ADAM22: variants seen among roughly 807,000 people sequenced by gnomAD.
ADAM22 encodes the protein ADAM metallopeptidase domain 22, also known as disintegrin and metalloproteinase domain-containing protein 22.
Under a neutral mutation model 144.6 loss-of-function variants are expected in ADAM22, and 65 were observed. The observed-to-expected ratio is 0.45, with a 90% CI of 0.37 to 0.55. The LOEUF (loss-of-function observed/expected upper bound fraction) is 0.55. ADAM22 is among the 20% of genes least tolerant of loss of function. The pLI, the probability that ADAM22 is intolerant of heterozygous loss-of-function variation, is 0.00. For missense variants in ADAM22, 974 were observed against 1,184.9 expected, an observed-to-expected ratio of 0.82 and a Z score of 2.61; for synonymous variants, 391 against 412.6, an observed-to-expected ratio of 0.95 and a Z score of 0.63.
chr7:88,136,857 A>G (rs1458295165), intron 14 of ADAM22, among the ~76,000 whole-genome samples: 1 of 152,096 alleles, frequency 6.6e-6, no homozygotes, highest in Non-Finnish European at 1.5e-5. Flanking sequence ...AATAACAGCA[A>G]AAGATGGTAA....
At chr7:88,008,204 C>T (rs1018142428) in intron 3 of ADAM22, among the ~76,000 whole-genome samples, 7 of 151,142 alleles carry the variant, frequency 4.6e-5, no homozygotes, top group African/African-American at 1.7e-4. Context: ...AATGAGATAC[C>T]ATCTCACACC....
chr7:88,148,860 CT>C, intron 17 of ADAM22, 116 bp from the exon 18 acceptor site: 1 of 712,856 alleles, frequency 1.4e-6, no homozygotes, highest in Non-Finnish European at 2.3e-6. Flanking sequence ...AGATTACCAT[CT>C]TACAGTAGTT....
rs148488941 is a variant in ADAM22 at position 88,066,947 on chromosome 7, C to T, written c.324-8679C>T. 1.5e-4 allele frequency among the ~76,000 whole-genome samples: 23 copies of T among 152,034 alleles called. No homozygotes were observed. The East Asian group carries it at 3.9e-3, about 26-fold the overall frequency. On this transcript the variant is annotated intron_variant, in intron 3 of 31. Coordinates refer to ENST00000413139, the MANE Select transcript of ADAM22 (RefSeq NM_001324418.2). Reference sequence around the variant, plus strand: ...CCATGAAAATACAGTTTTGGTGAAGCGGTGTGGTGAAAACCAGATTAGATG... The same window carrying T: ...CCATGAAAATACAGTTTTGGTGAAGTGGTGTGGTGAAAACCAGATTAGATG...
chr7:88,166,074 C>T, intron 24 of ADAM22, 128 bp downstream of exon 24: 2 of 588,468 alleles, frequency 3.4e-6, no homozygotes, highest in Non-Finnish European at 5.7e-6. Flanking sequence ...AATTATACAA[C>T]TGGGGTCCAT....
intron 2 of ADAM22, among the ~76,000 whole-genome samples, chr7:87,946,640 T>G (rs1396112875): frequency 1.3e-5 from 2 of 152,226 alleles, no homozygotes; most frequent in African/African-American, 4.8e-5. Flanking sequence ...TTGCCCACTT[T>G]GTTGAAGATC....
At chr7:88,099,509 G>A (rs1269271151) in intron 4 of ADAM22, among the ~76,000 whole-genome samples, 1 of 152,130 alleles carries the variant, frequency 6.6e-6, no homozygotes, top group Non-Finnish European at 1.5e-5. Context: ...TTTGAAGGGA[G>A]ATTGTCTCCA....
chr7:88,181,910 G>T (rs1343333208), intron 28 of ADAM22, 48 bp from the exon 29 acceptor site: 1 of 1,529,048 alleles, frequency 6.5e-7, no homozygotes, highest in South Asian at 1.1e-5. Context: ...TAGACATAGG[G>T]CAATCACTTA....
chr7:88,055,911 A>T (rs971747120), intron 3 of ADAM22, among the ~76,000 whole-genome samples: 7 of 152,176 alleles, frequency 4.6e-5, no homozygotes, highest in Non-Finnish European at 8.8e-5. Flanking sequence ...TTCAACCCCT[A>T]TCATGACAGA....
intron 5 of ADAM22, among the ~76,000 whole-genome samples, chr7:88,109,730 AGG>A: frequency 6.7e-6 from 1 of 148,358 alleles, no homozygotes; most frequent in Admixed American, 6.7e-5. Flanking sequence ...AGAGAGAGAG[AGG>A]AAAAAAAAAA....
intron 3 of ADAM22, among the ~76,000 whole-genome samples, chr7:88,036,117 A>C (rs1285047437): frequency 1.3e-5 from 2 of 152,332 alleles, no homozygotes; most frequent in East Asian, 3.9e-4. Flanking sequence ...TAAGTATCAC[A>C]GTACTTTTTA....
At position 88,182,611 on chromosome 7, in the gene ADAM22, G is replaced by A. The variant is rs190549149; in HGVS notation, c.2663+587G>A. On this transcript the variant is annotated intron_variant, in intron 29 of 31. Coordinates refer to ENST00000413139, the MANE Select transcript of ADAM22 (RefSeq NM_001324418.2). ...ATTGTCACTAAATGCAACATTATCCGTTTTAAATGATAGCCATGCATTTAC... is the reference window on the plus strand; with the variant it reads ...ATTGTCACTAAATGCAACATTATCCATTTTAAATGATAGCCATGCATTTAC... 4.3e-3 allele frequency among the ~76,000 whole-genome samples: 651 copies of A among 152,092 alleles called. 4 individuals are homozygous for A. The highest frequency in any genetic ancestry group is 6.0e-3 in the Admixed American group (92 of 15,276).
chr7:87,953,851 G>T (rs1299992332), intron 2 of ADAM22, among the ~76,000 whole-genome samples: 3 of 152,148 alleles, frequency 2.0e-5, no homozygotes, highest in African/African-American at 7.2e-5. Context: ...ATATATTTAG[G>T]ATAGTTAGCT....
intron 4 of ADAM22, among the ~76,000 whole-genome samples, chr7:88,100,748 T>C (rs1365088723): frequency 6.6e-6 from 1 of 152,158 alleles, no homozygotes; most frequent in Admixed American, 6.6e-5. Context: ...ACTCCTGGCC[T>C]CAAGTGATCT....
intron 2 of ADAM22, among the ~76,000 whole-genome samples, chr7:87,971,129 C>CA (rs1256179995): frequency 6.6e-6 from 1 of 152,060 alleles, no homozygotes; most frequent in Non-Finnish European, 1.5e-5. Flanking sequence ...GGCCTTAGGA[C>CA]ATGTGCTGTG....
At chr7:87,981,357 A>G (rs775621719) in intron 3 of ADAM22, among the ~76,000 whole-genome samples, 3 of 152,172 alleles carry the variant, frequency 2.0e-5, no homozygotes, top group Non-Finnish European at 4.4e-5. Context: ...AGTGTATTTT[A>G]CAGATTCTCA....
intron 6 of ADAM22, among the ~76,000 whole-genome samples, chr7:88,116,168 A>AT (rs1028144894): frequency 1.9e-3 from 287 of 147,820 alleles, no homozygotes; most frequent in African/African-American, 6.2e-3. Flanking sequence ...TGACATTCTA[A>AT]TTTTTTTTTT....
At chr7:88,135,885 A>G (rs1206318633) in intron 13 of ADAM22, 95 bp from the exon 14 acceptor site, 2 of 1,068,744 alleles carry the variant, frequency 1.9e-6, no homozygotes, top group Non-Finnish European at 1.3e-6. Context: ...AGGCATTTTA[A>G]GGAATAAAGT....
rs964001311 is a variant in ADAM22 at position 87,985,205 on chromosome 7, C to T, written c.323+6793C>T. Among the ~76,000 whole-genome samples, 20 of 151,012 alleles carry T rather than the reference C, an allele frequency of 1.3e-4. No individual in the cohort carries two copies. The South Asian group carries it at 4.0e-3, about 30-fold the overall frequency. Reference sequence around the variant, plus strand: ...GCAGGCGCCTGTAGTCCCGGTTACTCGGGAGGCTGAGGCAAGAGAATGGCG... The same window carrying T: ...GCAGGCGCCTGTAGTCCCGGTTACTTGGGAGGCTGAGGCAAGAGAATGGCG... On this transcript the variant is annotated intron_variant, in intron 3 of 31. Coordinates refer to ENST00000413139, the MANE Select transcript of ADAM22 (RefSeq NM_001324418.2).
At chr7:88,092,277 C>G (rs1344856343) in intron 4 of ADAM22, among the ~76,000 whole-genome samples, 2 of 152,070 alleles carry the variant, frequency 1.3e-5, no homozygotes, top group South Asian at 2.1e-4. Context: ...TTCAAAATAC[C>G]CATCCCCCCT....
Sources: allele counts gnomAD v4.1 joint callset (sites outside exome capture counted in the v4.1 genomes callset), GRCh38; gene constraint gnomAD v4.1.1; transcripts MANE v1.5; gene names NCBI Gene and HGNC (gene_info 2026-07-23, HGNC 2026-07-21).